Variants in PRDM11 observed in about 807,000 individuals in gnomAD.
PRDM11 encodes PR domain-containing protein 11.
Under a neutral mutation model 97.8 loss-of-function variants are expected in PRDM11, and 20 were observed. That is an observed-to-expected ratio of 0.20 (90% CI 0.14 to 0.30). The LOEUF (loss-of-function observed/expected upper bound fraction) is 0.30, where lower values mean the gene tolerates loss of function less well. PRDM11 is among the 10% of genes least tolerant of loss of function. The pLI, the probability that PRDM11 is intolerant of heterozygous loss-of-function variation, is 1.00. For missense variants in PRDM11, 1,139 were observed against 1,555.2 expected, an observed-to-expected ratio of 0.73 and a Z score of 4.50; for synonymous variants, 599 against 637.7, an observed-to-expected ratio of 0.94 and a Z score of 0.91.
intron 1 of PRDM11, among the ~76,000 whole-genome samples, chr11:45,158,295 G>T (rs1472616809): frequency 6.6e-6 from 1 of 152,214 alleles, no homozygotes; most frequent in African/African-American, 2.4e-5. Flanking sequence ...GGAAGGAACT[G>T]TTGGAAGCGC....
intron 5 of PRDM11, chr11:45,213,081 A>G (rs1296747948): frequency 4.4e-6 from 2 of 452,730 alleles, no homozygotes; most frequent in East Asian, 7.0e-5. Context: ...GTCATGGAGG[A>G]GGGATGTCTG....
rs371904618 is a variant in PRDM11 at position 45,117,863 on chromosome 11, A to T, written c.96+21962A>T. On this transcript the variant is annotated intron_variant, in intron 1 of 6. Coordinates refer to the PRDM11 transcript ENST00000530656. The stretch of plus-strand genomic sequence containing the variant: ...AGTATGGAAAGAAGGGAAAACGAGT[A>T]ACTGTACTGTGGGAAAACCTGACCA... Among the ~76,000 whole-genome samples the T allele has an allele frequency of 4.6e-5, 7 of 152,372 alleles. No individual in the cohort carries two copies. In the South Asian group the frequency reaches 8.3e-4, roughly 18 times the overall value.
At chr11:45,213,108 C>T in intron 5 of PRDM11, 1 of 456,080 alleles carries the variant, frequency 2.2e-6, no homozygotes, top group Non-Finnish European at 4.4e-6. Flanking sequence ...CAACAGGGGC[C>T]AGTCTTTCGT....
chr11:45,113,654 G>A (rs1176966037), intron 1 of PRDM11, among the ~76,000 whole-genome samples: 2 of 151,922 alleles, frequency 1.3e-5, no homozygotes, highest in East Asian at 3.9e-4. Context: ...TCCTTGTAGA[G>A]ATCTTTCACC....
intron 1 of PRDM11, among the ~76,000 whole-genome samples, chr11:45,104,245 A>G (rs775164306): frequency 1.3e-5 from 2 of 152,210 alleles, no homozygotes; most frequent in African/African-American, 2.4e-5. Context: ...GCACCAGAGG[A>G]ACTTCTCTCA....
At chr11:45,174,269 T>A (rs1428447999) in intron 1 of PRDM11, among the ~76,000 whole-genome samples, 3 of 152,250 alleles carry the variant, frequency 2.0e-5, no homozygotes, top group Admixed American at 2.0e-4. Context: ...TGGTGAATAT[T>A]GTACAGTATC....
At chr11:45,182,786 C>A in intron 3 of PRDM11, 75 bp from the exon 4 acceptor site, 1 of 1,471,010 alleles carries the variant, frequency 6.8e-7, no homozygotes, top group Non-Finnish European at 9.2e-7. Context: ...CTCCTGTCAG[C>A]CCCTCTACCT....
chr11:45,212,841 G>A lies in PRDM11; in HGVS notation c.555-6729G>A, dbSNP rs761596369. 2.0e-4 allele frequency: 91 copies of A among 447,158 alleles called. 1 individual carries two copies. The highest frequency in any genetic ancestry group is 2.8e-4 in the East Asian group (4 of 14,280). The allele number at this position is 447,158 out of a possible 1,614,324, so 27.7% of individuals were successfully genotyped here. A position where few individuals can be genotyped will look rare whatever the true frequency, so the allele number is the denominator to read the frequency against. On this transcript the variant is annotated intron_variant, in intron 5 of 7. Transcript: ENST00000683152. ...CAGGCCATGGCCGAGCTGACCAGCCGTGTCGGTCAGATGTGCCAGACGCTG... is the reference window on the plus strand; with the variant it reads ...CAGGCCATGGCCGAGCTGACCAGCCATGTCGGTCAGATGTGCCAGACGCTG...
chr11:45,226,036 G>T lies in PRDM11; in HGVS notation c.1411G>T (p.Asp471Tyr). The change falls in exon 8 of 8, where the codon GAT becomes TAT. Residue 471 changes from aspartate (D) to tyrosine (Y), a missense_variant. Transcript: ENST00000683152. ...CTCCGGCCCCGCCATCATGGAGGAT[G>T]ATGACCAGGAAGTCGATTCAGCAGA... The part of the protein sequence containing the change: ...MVSGPAIMED[D>Y]DQEVDSADES... The T allele has an allele frequency of 6.6e-7, 1 of 1,512,538 alleles. No homozygotes were observed. Among genetic ancestry groups the T allele is most frequent in the Non-Finnish European group, 8.9e-7 (1 of 1,129,074 alleles). The allele number at this position is 1,512,538 out of a possible 1,614,324, so 93.7% of individuals were successfully genotyped here.
At chr11:45,140,808 C>T (rs1012882673) in intron 1 of PRDM11, among the ~76,000 whole-genome samples, 1 of 152,096 alleles carries the variant, frequency 6.6e-6, no homozygotes, top group Non-Finnish European at 1.5e-5. Flanking sequence ...GTCCCCATCC[C>T]TTTCTCTAGC....
intron 4 of PRDM11, among the ~76,000 whole-genome samples, chr11:45,200,152 A>G (rs1417028277): frequency 6.6e-6 from 1 of 152,226 alleles, no homozygotes; most frequent in Non-Finnish European, 1.5e-5. Context: ...AATGCTTGAT[A>G]TGAGACAATC....
chr11:45,203,570 A>G (rs1853405199), intron 4 of PRDM11, among the ~76,000 whole-genome samples: 1 of 152,106 alleles, frequency 6.6e-6, no homozygotes, highest in Non-Finnish European at 1.5e-5. Flanking sequence ...ATAAAGAGAA[A>G]AATATGGAAG....
At chr11:45,146,022 C>T (rs1175502488), upstream of PRDM11, among the ~76,000 whole-genome samples, 1 of 152,228 alleles carries the variant, frequency 6.6e-6, no homozygotes, top group Non-Finnish European at 1.5e-5. Flanking sequence ...CTCTCTCCCT[C>T]TGTAACATAT....
At chr11:45,203,844 G>A (rs546327836) in intron 4 of PRDM11, among the ~76,000 whole-genome samples, 6 of 152,262 alleles carry the variant, frequency 3.9e-5, no homozygotes, top group African/African-American at 1.2e-4. Context: ...GGAGAAAATG[G>A]CCGAGAAGCT....
intron 1 of PRDM11, among the ~76,000 whole-genome samples, chr11:45,098,315 T>A (rs1851918995): frequency 6.6e-6 from 1 of 152,204 alleles, no homozygotes; most frequent in Non-Finnish European, 1.5e-5. Context: ...TTGACATCCA[T>A]TCCTGCATTT....
At chr11:45,131,156 C>T (rs879328036) in intron 1 of PRDM11, among the ~76,000 whole-genome samples, 4 of 152,166 alleles carry the variant, frequency 2.6e-5, no homozygotes, top group Non-Finnish European at 5.9e-5. Context: ...AGTCAACATA[C>T]ATGTAATTTC....
chr11:45,190,496 G>C (rs1852874171), intron 4 of PRDM11, among the ~76,000 whole-genome samples: 1 of 148,130 alleles, frequency 6.8e-6, no homozygotes, highest in African/African-American at 2.5e-5. Context: ...TATAGTTACA[G>C]AGACATCATG....
chr11:45,163,684 C>G (rs891283758), intron 1 of PRDM11, among the ~76,000 whole-genome samples: 3 of 152,260 alleles, frequency 2.0e-5, no homozygotes, highest in African/African-American at 7.2e-5. Flanking sequence ...CCCTTTCCCT[C>G]TCTGGGCCTT....
intron 4 of PRDM11, among the ~76,000 whole-genome samples, chr11:45,193,617 T>C (rs182966836): frequency 1.3e-5 from 2 of 152,336 alleles, no homozygotes; most frequent in East Asian, 3.9e-4. Flanking sequence ...CATGAAATAT[T>C]GTTTTTCTCT....
Sources: gnomAD v4.1 joint callset for allele counts (sites outside exome capture counted in the v4.1 genomes callset) on GRCh38, gnomAD v4.1.1 for gene constraint, MANE v1.5 for transcripts, NCBI Gene and HGNC (gene_info 2026-07-23, HGNC 2026-07-21) for gene names.